Variants in PLXNA4 observed in about 807,000 individuals in gnomAD.
PLXNA4 encodes plexin-A4.
In PLXNA4, 44 loss-of-function variants were observed where a neutral mutation model predicts 191.8. The observed-to-expected ratio is 0.23, with a 90% CI of 0.18 to 0.29. PLXNA4 has a LOEUF of 0.29. Ranked by LOEUF, PLXNA4 falls within the 10% of genes least tolerant of loss-of-function variation. PLXNA4 has a pLI of 1.00. For synonymous variants in PLXNA4, 1,082 were observed against 1,009.5 expected, an observed-to-expected ratio of 1.07 and a Z score of -1.36; for missense variants, 1,800 against 2,488.8, an observed-to-expected ratio of 0.72 and a Z score of 5.89.
At chr7:132,145,714 C>G (rs137933273) in intron 28 of PLXNA4, among the ~76,000 whole-genome samples, 1 of 152,006 alleles carries the variant, frequency 6.6e-6, no homozygotes, top group Non-Finnish European at 1.5e-5. Flanking sequence ...CAGAGCTGAG[C>G]CCAGTCTCAG....
intron 2 of PLXNA4, among the ~76,000 whole-genome samples, chr7:132,501,590 C>T (rs1195423793): frequency 6.6e-6 from 1 of 152,192 alleles, no homozygotes; most frequent in Non-Finnish European, 1.5e-5. Flanking sequence ...GCCCAGGGCT[C>T]AGCTACCTGT....
At chr7:132,515,245 C>T (rs759024568) in intron 1 of PLXNA4, among the ~76,000 whole-genome samples, 1 of 152,122 alleles carries the variant, frequency 6.6e-6, no homozygotes, top group Non-Finnish European at 1.5e-5. Context: ...AAGAATGAAG[C>T]CAAAGTACTG....
At chr7:132,295,735 A>C (rs12674450) in intron 4 of PLXNA4, among the ~76,000 whole-genome samples, 1 of 151,926 alleles carries the variant, frequency 6.6e-6, no homozygotes, top group South Asian at 2.1e-4. Flanking sequence ...CTAGAATCTC[A>C]ATACCAGCCC....
chr7:132,320,402 T>C (rs1417580014), intron 3 of PLXNA4, among the ~76,000 whole-genome samples: 2 of 152,322 alleles, frequency 1.3e-5, no homozygotes, highest in Admixed American at 1.3e-4. Context: ...TCCCATTCTT[T>C]TCTCTCATGA....
chr7:132,596,029 G>GT lies in PLXNA4; in HGVS notation c.-87+49898dup, dbSNP rs375996148. Among the ~76,000 whole-genome samples, 1,321 of 152,092 alleles carry GT rather than the reference G, an allele frequency of 8.7e-3. 12 individuals carry two copies. The highest frequency in any genetic ancestry group is 0.011 in the Non-Finnish European group (730 of 67,988). ...CATCTTAAGAAATATATTTTATAGG[G>GT]TTTTTTTACAATTACCAAGATCCAA... On this transcript the variant is annotated intron_variant, in intron 2 of 4. Transcript: ENST00000378539.
rs56966838 is a variant in PLXNA4 at position 132,557,928 on chromosome 7, GGAGA to G, written c.-87+18490_-87+18493del. ...GCTCAGAAAACCAAGTTTAAGGTAG[GGAGA>G]GAGAGAGAGAGAGAGAGACAATCAA... On this transcript the variant is annotated intron_variant, in intron 1 of 31. Transcript: ENST00000321063. Among the ~76,000 whole-genome samples the G allele has an allele frequency of 1.1e-3, 160 of 149,542 alleles. 1 individual carries two copies. The highest frequency in any genetic ancestry group is 3.4e-3 in the African/African-American group (139 of 40,886).
intron 21 of PLXNA4, among the ~76,000 whole-genome samples, chr7:132,173,309 G>A (rs987942254): frequency 6.6e-6 from 1 of 152,192 alleles, no homozygotes; most frequent in Non-Finnish European, 1.5e-5. Context: ...TCAAGGAAAT[G>A]GGTAGACAAA....
Position 132,211,108 on chromosome 7 carries a change from C to A in PLXNA4, c.2133G>T (p.Leu711=), listed in dbSNP as rs1213614135. The change falls in exon 10 of 32, where the codon CTG becomes CTT. Residue 711 remains leucine (L), a synonymous_variant. Transcript: ENST00000321063. The part of the protein sequence containing the change: ...CPQLLRVDKI[L]VPVEVIKPIT... Reference sequence around the variant, plus strand: ...TAGGCTTGATCACCTCCACGGGCACCAGGATCTTGTCCACTCGCAGCAGCT... The same window carrying A: ...TAGGCTTGATCACCTCCACGGGCACAAGGATCTTGTCCACTCGCAGCAGCT... The A allele has an allele frequency of 2.5e-6, 4 of 1,575,698 alleles. No homozygotes were observed. Among genetic ancestry groups the A allele is most frequent in the Non-Finnish European group, 3.4e-6 (4 of 1,160,226 alleles).
intron 2 of PLXNA4, among the ~76,000 whole-genome samples, chr7:132,593,673 G>C (rs1390929610): frequency 6.6e-6 from 1 of 152,196 alleles, no homozygotes; most frequent in Non-Finnish European, 1.5e-5. Context: ...ACAGGCAGCA[G>C]GTCTCACTGG....
chr7:132,516,197 A>G (rs1798928276), intron 1 of PLXNA4, among the ~76,000 whole-genome samples: 1 of 151,866 alleles, frequency 6.6e-6, no homozygotes, highest in Non-Finnish European at 1.5e-5. Context: ...GTTTATAAAT[A>G]CTTAAAATAC....
chr7:132,580,613 C>T (rs1217045180), upstream of PLXNA4, among the ~76,000 whole-genome samples: 2 of 152,168 alleles, frequency 1.3e-5, no homozygotes, highest in Non-Finnish European at 2.9e-5. Flanking sequence ...AGTATTGGTT[C>T]ATCTCCCACA....
intron 17 of PLXNA4, 48 bp from the exon 18 acceptor site, chr7:132,181,668 C>T (rs753694853): frequency 6.2e-7 from 1 of 1,601,478 alleles, no homozygotes; most frequent in Admixed American, 1.7e-5. Context: ...CTCCACATAC[C>T]CACAGCCCCA....
At chr7:132,218,168 TC>T (rs1798029006) in intron 9 of PLXNA4, among the ~76,000 whole-genome samples, 1 of 152,212 alleles carries the variant, frequency 6.6e-6, no homozygotes, top group Non-Finnish European at 1.5e-5. Context: ...TGCCGGCTCT[TC>T]AGTCCTGGAG....
intron 2 of PLXNA4, among the ~76,000 whole-genome samples, chr7:132,629,368 A>T (rs1803447964): frequency 1.3e-5 from 2 of 152,214 alleles, no homozygotes; most frequent in African/African-American, 4.8e-5. Context: ...ATACCTGAGT[A>T]TGTAGACTTG....
intron 1 of PLXNA4, among the ~76,000 whole-genome samples, chr7:132,541,155 G>A (rs1800063989): frequency 1.3e-5 from 2 of 152,180 alleles, no homozygotes; most frequent in Non-Finnish European, 2.9e-5. Context: ...CGAAGCACTG[G>A]ATGAAATGTG....
intron 3 of PLXNA4, among the ~76,000 whole-genome samples, chr7:132,447,958 C>T (rs1471323551): frequency 6.6e-6 from 1 of 152,128 alleles, no homozygotes; most frequent in East Asian, 1.9e-4. Flanking sequence ...TTGCAGTGAG[C>T]CAAGATGATG....
At chr7:132,556,101 C>T (rs1166615419) in intron 1 of PLXNA4, among the ~76,000 whole-genome samples, 1 of 152,232 alleles carries the variant, frequency 6.6e-6, no homozygotes, top group Non-Finnish European at 1.5e-5. Flanking sequence ...AAACCTGCAA[C>T]CACATTGCCA....
chr7:132,482,681 G>C (rs892729555), intron 3 of PLXNA4, among the ~76,000 whole-genome samples: 1 of 139,370 alleles, frequency 7.2e-6, no homozygotes, highest in South Asian at 2.4e-4. Context: ...AGTGAGTGTG[G>C]GAGCTTCGAG....
At chr7:132,329,578 A>G (rs886585790) in intron 3 of PLXNA4, among the ~76,000 whole-genome samples, 4 of 152,192 alleles carry the variant, frequency 2.6e-5, no homozygotes, top group African/African-American at 9.6e-5. Flanking sequence ...CTGGCAGCCA[A>G]TTCCAGCTGC....
Sources: allele counts gnomAD v4.1 joint callset (sites outside exome capture counted in the v4.1 genomes callset), GRCh38; gene constraint gnomAD v4.1.1; transcripts MANE v1.5; gene names NCBI Gene and HGNC (gene_info 2026-07-23, HGNC 2026-07-21).